The following CSMD1 variants were observed in gnomAD, a reference collection of about 807,000 sequenced individuals.
The protein encoded by CSMD1 is CUB and Sushi multiple domains 1.
In CSMD1, 213 loss-of-function variants were observed where a neutral mutation model predicts 417.5. The ratio of observed to expected loss-of-function variants is 0.51; its 90% CI spans 0.46 to 0.57. The LOEUF (loss-of-function observed/expected upper bound fraction) is 0.57. Ranked by LOEUF, CSMD1 falls within the 20% of genes least tolerant of loss-of-function variation. The pLI, the probability that CSMD1 is intolerant of heterozygous loss-of-function variation, is 0.00. For missense variants in CSMD1, 6,923 were observed against 4,529.7 expected, an observed-to-expected ratio of 1.53 and a Z score of -15.17; for synonymous variants, 2,862 against 1,736.8, an observed-to-expected ratio of 1.65 and a Z score of -16.11.
chr8:3,723,308 G>A (rs948337076), intron 6 of CSMD1, among the ~76,000 whole-genome samples: 1 of 152,114 alleles, frequency 6.6e-6, no homozygotes, highest in African/African-American at 2.4e-5. Flanking sequence ...TCAGGAAAAA[G>A]TCCCTTTTAA....
In CSMD1 at chr8:2,976,699, T is replaced by C. The variant is rs549218776; in HGVS notation, c.8566+1913A>G. 2.6e-5 allele frequency among the ~76,000 whole-genome samples: 4 copies of C among 152,338 alleles called. No homozygotes were observed. The South Asian group carries it at 8.3e-4, about 32-fold the overall frequency. On this transcript the variant is annotated intron_variant, in intron 55 of 69. Coordinates refer to ENST00000635120, the MANE Select transcript of CSMD1 (RefSeq NM_033225.6). ...GCATAGGACAAAGATCAGATTTTGA[T>C]TTTAAGGATTGCTTTGCTTCTGCCT... is the stretch of plus-strand genomic sequence containing the variant.
rs758330266 is a variant in CSMD1 at position 3,106,648 on chromosome 8, G to A, written c.6836-7C>T. Reference sequence around the variant, plus strand: ...TGGTACTTCACAAAATCTCCTAGAAGAGTCAATGCAACAAACCAGGAAATT... The same window carrying A: ...TGGTACTTCACAAAATCTCCTAGAAAAGTCAATGCAACAAACCAGGAAATT... On this transcript the variant is annotated splice_polypyrimidine_tract_variant and splice_region_variant and intron_variant, in intron 45 of 69. Transcript: ENST00000635120. 5.1e-6 allele frequency: 8 copies of A among 1,582,302 alleles called. No homozygotes were observed. The highest frequency in any genetic ancestry group is 3.4e-5 in the Admixed American group (2 of 59,700).
chr8:3,010,664 A>G (rs1808315283), intron 52 of CSMD1, among the ~76,000 whole-genome samples: 1 of 151,878 alleles, frequency 6.6e-6, no homozygotes. Context: ...CTCTTCTGTC[A>G]GCCTCTAGGT....
intron 4 of CSMD1, among the ~76,000 whole-genome samples, chr8:4,019,488 G>C (rs888026099): frequency 6.6e-6 from 1 of 151,978 alleles, no homozygotes; most frequent in African/African-American, 2.4e-5. Flanking sequence ...TGTTTTACTG[G>C]GGCCCATTGC....
intron 5 of CSMD1, among the ~76,000 whole-genome samples, chr8:3,755,967 C>A (rs371660313): frequency 7.9e-5 from 12 of 152,008 alleles, no homozygotes; most frequent in African/African-American, 2.7e-4. Context: ...AGGCCACATA[C>A]TTATTTGCCT....
intron 41 of CSMD1, among the ~76,000 whole-genome samples, chr8:3,134,664 T>C (rs912105042): frequency 6.6e-6 from 1 of 152,214 alleles, no homozygotes; most frequent in Non-Finnish European, 1.5e-5. Context: ...GACTAAATCG[T>C]TGGATTTAGA....
chr8:2,984,797 A>G (rs1365833388), intron 54 of CSMD1, among the ~76,000 whole-genome samples: 1 of 152,238 alleles, frequency 6.6e-6, no homozygotes, highest in African/African-American at 2.4e-5. Flanking sequence ...GTTTGGAGGT[A>G]ATAAACTTTT....
At chr8:3,500,192 T>A (rs917643311) in intron 10 of CSMD1, among the ~76,000 whole-genome samples, 1 of 152,190 alleles carries the variant, frequency 6.6e-6, no homozygotes, top group African/African-American at 2.4e-5. Context: ...CTTTACTCTG[T>A]TGCTTCAGTA....
chr8:4,713,860 G>C (rs986028269), intron 1 of CSMD1, among the ~76,000 whole-genome samples: 3 of 152,146 alleles, frequency 2.0e-5, no homozygotes, highest in African/African-American at 4.8e-5. Context: ...TTGAAGATGG[G>C]CAGAAGCCAA....
At chr8:4,888,668 A>G (rs562908564) in intron 1 of CSMD1, among the ~76,000 whole-genome samples, 2 of 152,224 alleles carry the variant, frequency 1.3e-5, no homozygotes, top group African/African-American at 4.8e-5. Context: ...TTTGCCAACA[A>G]AAGAAACCAG....
chr8:4,030,637 A>G (rs1395792625), intron 4 of CSMD1, among the ~76,000 whole-genome samples: 1 of 152,164 alleles, frequency 6.6e-6, no homozygotes, highest in African/African-American at 2.4e-5. Flanking sequence ...CATGCCCTGG[A>G]GGCATTTTCC....
intron 38 of CSMD1, among the ~76,000 whole-genome samples, chr8:3,161,427 G>C (rs1035361579): frequency 6.6e-6 from 1 of 151,976 alleles, no homozygotes; most frequent in Non-Finnish European, 1.5e-5. Flanking sequence ...GACCAGCTTG[G>C]CCAACATGGT....
At chr8:4,554,920 T>C (rs949938305) in intron 2 of CSMD1, among the ~76,000 whole-genome samples, 20 of 152,178 alleles carry the variant, frequency 1.3e-4, no homozygotes, top group African/African-American at 2.4e-4. Context: ...GATGCTGTCT[T>C]CTAGGCAACG....
intron 5 of CSMD1, among the ~76,000 whole-genome samples, chr8:3,784,445 G>C (rs762624575): frequency 2.0e-5 from 3 of 152,192 alleles, no homozygotes; most frequent in South Asian, 2.1e-4. Flanking sequence ...GTTTCTTAAA[G>C]AGATATATAA....
At chr8:3,588,407 G>T (rs905732052) in intron 8 of CSMD1, among the ~76,000 whole-genome samples, 24 of 152,076 alleles carry the variant, frequency 1.6e-4, no homozygotes, top group African/African-American at 5.6e-4. Context: ...ATTTCAGTGT[G>T]GCCACTTCTT....
At chr8:4,373,800 T>C (rs979262379) in intron 3 of CSMD1, among the ~76,000 whole-genome samples, 2 of 152,198 alleles carry the variant, frequency 1.3e-5, no homozygotes, top group South Asian at 2.1e-4. Flanking sequence ...AAATTTGTTA[T>C]AGTCGTCAAA....
chr8:4,007,272 C>G (rs1184815382), intron 4 of CSMD1, among the ~76,000 whole-genome samples: 4 of 152,324 alleles, frequency 2.6e-5, no homozygotes, highest in African/African-American at 7.2e-5. Flanking sequence ...TTACCAGGCC[C>G]TGAAAGGCAT....
chr8:3,998,163 C>T lies in CSMD1; in HGVS notation c.611-53G>A, dbSNP rs535956960. On this transcript the variant is annotated intron_variant, in intron 4 of 69. Transcript: ENST00000635120. The stretch of plus-strand genomic sequence containing the variant: ...ATCACATTTCAGGATGGTTTTCATA[C>T]ACGAGTGTGTCCACCAAGTGTCACT... The T allele has an allele frequency of 4.2e-5, 61 of 1,463,768 alleles. 1 individual carries two copies. The highest frequency in any genetic ancestry group is 5.5e-5 in the Non-Finnish European group (59 of 1,073,782). The allele number at this position is 1,463,768 out of a possible 1,614,324, so 90.7% of individuals were successfully genotyped here. A position where few individuals can be genotyped will look rare whatever the true frequency, so the allele number is the denominator to read the frequency against.
intron 12 of CSMD1, among the ~76,000 whole-genome samples, chr8:3,451,133 A>C (rs1585183609): frequency 6.6e-6 from 1 of 152,132 alleles, no homozygotes; most frequent in Non-Finnish European, 1.5e-5. Flanking sequence ...GTGTCTGTTC[A>C]TATCCTTCGC....
Sources: gnomAD v4.1 joint callset for allele counts (sites outside exome capture counted in the v4.1 genomes callset) on GRCh38, gnomAD v4.1.1 for gene constraint, MANE v1.5 for transcripts, NCBI Gene and HGNC (gene_info 2026-07-23, HGNC 2026-07-21) for gene names.